The following SCAPER variants were observed in gnomAD, a reference collection of about 807,000 sequenced individuals.
SCAPER encodes S phase cyclin A-associated protein in the endoplasmic reticulum.
SCAPER carries 98 observed loss-of-function variants against 182.2 expected under a neutral mutation model. That is an observed-to-expected ratio of 0.54 (90% confidence interval 0.46 to 0.64). The LOEUF (loss-of-function observed/expected upper bound fraction) is 0.64. Among genes scored for constraint, SCAPER ranks in the 30% least tolerant of loss-of-function variants. The pLI is 0.00. For missense variants in SCAPER, 1,432 were observed against 1,690.0 expected, an observed-to-expected ratio of 0.85 and a Z score of 2.68; for synonymous variants, 605 against 564.6, an observed-to-expected ratio of 1.07 and a Z score of -1.01.
intron 20 of SCAPER, among the ~76,000 whole-genome samples, chr15:76,688,852 T>TTTA (rs1229045332): frequency 4.9e-5 from 7 of 142,728 alleles, no homozygotes; most frequent in Non-Finnish European, 9.2e-5. Flanking sequence ...TCTTTTTTTT[T>TTTA]TTTTTTTTTT....
intron 23 of SCAPER, among the ~76,000 whole-genome samples, chr15:76,517,368 T>TA (rs1455073354): frequency 6.6e-6 from 1 of 150,700 alleles, no homozygotes; most frequent in Non-Finnish European, 1.5e-5. Context: ...TTTTTTTTTT[T>TA]AGATGGAGTC....
rs562005629 is a variant in SCAPER at position 76,481,023 on chromosome 15, G to A, written c.2955-9688C>T. Among the ~76,000 whole-genome samples the A allele has an allele frequency of 1.3e-4, 20 of 152,232 alleles. 1 individual carries two copies. The South Asian group carries it at 3.1e-3, about 24-fold the overall frequency. On this transcript the variant is annotated intron_variant, in intron 24 of 31. Coordinates refer to ENST00000563290, the MANE Select transcript of SCAPER (RefSeq NM_020843.4). ...TGGGATTACAGGCATGAGCCACCGC[G>A]CCCGGCCCACTATTCTACTTTTTAA...
chr15:76,712,949 GC>G (rs1300944052), intron 17 of SCAPER, among the ~76,000 whole-genome samples: 3 of 152,148 alleles, frequency 2.0e-5, no homozygotes, highest in African/African-American at 7.2e-5. Context: ...CAGTCTGACT[GC>G]CCTGGCCAGA....
At position 76,729,888 on chromosome 15, in the gene SCAPER, T is replaced by C. The variant is rs576331478; in HGVS notation, c.2023-1151A>G. On this transcript the variant is annotated intron_variant, in intron 16 of 31. Coordinates refer to ENST00000563290, the MANE Select transcript of SCAPER (RefSeq NM_020843.4). ...ACATGTTCCTCATCTTATTGATATG[T>C]TTCTCTGAATCCATACCCATTCCCC... Among the ~76,000 whole-genome samples, 11 of 152,196 alleles carry C rather than the reference T, an allele frequency of 7.2e-5. No individual in the cohort carries two copies. The East Asian group carries it at 1.9e-3, about 27-fold the overall frequency.
At position 76,766,966 on chromosome 15, in the gene SCAPER, T is replaced by C; in HGVS notation, c.1371A>G (p.Glu457=). The C allele has an allele frequency of 3.1e-6, 5 of 1,609,322 alleles. No individual in the cohort carries two copies. Among genetic ancestry groups the C allele is most frequent in the Non-Finnish European group, 4.2e-6 (5 of 1,178,000 alleles). The part of the protein sequence containing the change: ...EEQLTREIEA[E]ENNDINIETD... ...TTTCAATGTTAATATCATTGTTTTCTTCAGCTTCAATTTCTCTAGTTAACT... is the reference window on the plus strand; with the variant it reads ...TTTCAATGTTAATATCATTGTTTTCCTCAGCTTCAATTTCTCTAGTTAACT... The change falls in exon 11 of 32, where the codon GAA becomes GAG. Residue 457 remains glutamate, a synonymous_variant. Transcript: ENST00000563290.
intron 23 of SCAPER, among the ~76,000 whole-genome samples, chr15:76,560,608 C>T (rs1164432722): frequency 6.6e-6 from 1 of 152,180 alleles, no homozygotes; most frequent in African/African-American, 2.4e-5. Context: ...TAAATACCTT[C>T]CCAATGATGA....
At chr15:76,654,572 G>T (rs2055460024) in intron 21 of SCAPER, among the ~76,000 whole-genome samples, 1 of 152,046 alleles carries the variant, frequency 6.6e-6, no homozygotes, top group South Asian at 2.1e-4. Flanking sequence ...ATTTCTCAAA[G>T]AACTTAAAAC....
chr15:76,458,129 T>C (rs1383653267), intron 25 of SCAPER, among the ~76,000 whole-genome samples: 2 of 152,132 alleles, frequency 1.3e-5, no homozygotes, highest in Non-Finnish European at 2.9e-5. Flanking sequence ...AGACATTATA[T>C]GAATTATTTA....
intron 5 of SCAPER, among the ~76,000 whole-genome samples, chr15:76,838,164 T>A (rs2069120277): frequency 6.6e-6 from 1 of 152,174 alleles, no homozygotes; most frequent in Non-Finnish European, 1.5e-5. Context: ...TGCCCATCAA[T>A]GGTAGACTGG....
chr15:76,727,917 C>T (rs2060689143), intron 17 of SCAPER, among the ~76,000 whole-genome samples: 1 of 151,780 alleles, frequency 6.6e-6, no homozygotes, highest in Non-Finnish European at 1.5e-5. Context: ...CATAAAAAAA[C>T]CCTGAACAGC....
intron 27 of SCAPER, among the ~76,000 whole-genome samples, chr15:76,387,310 T>A (rs982785058): frequency 2.0e-5 from 3 of 152,212 alleles, no homozygotes; most frequent in Non-Finnish European, 4.4e-5. Flanking sequence ...TACATCACAG[T>A]GGAGACAGTG....
At chr15:76,495,989 GAGAGACACACACACAC>G (rs1346729710) in intron 24 of SCAPER, among the ~76,000 whole-genome samples, 4,802 of 105,542 alleles carry the variant, frequency 0.045, 124 homozygotes, top group East Asian at 0.057. Context: ...AAGCAAAAGA[GAGAGACACACACACAC>G]ACACACACAC....
chr15:76,612,635 G>A (rs960536795), intron 22 of SCAPER, among the ~76,000 whole-genome samples: 1 of 152,102 alleles, frequency 6.6e-6, no homozygotes, highest in East Asian at 1.9e-4. Flanking sequence ...CAACAGTCAA[G>A]CTGAGTGCCA....
At chr15:76,545,043 T>C (rs1227832279) in intron 23 of SCAPER, among the ~76,000 whole-genome samples, 1 of 152,172 alleles carries the variant, frequency 6.6e-6, no homozygotes, top group African/African-American at 2.4e-5. Flanking sequence ...ACTTGGCTTC[T>C]TCCCATAACT....
intron 22 of SCAPER, among the ~76,000 whole-genome samples, chr15:76,607,257 A>C (rs1186366138): frequency 1.3e-5 from 2 of 152,132 alleles, no homozygotes; most frequent in Non-Finnish European, 2.9e-5. Context: ...AAAGTATTTT[A>C]TTTCTCCTTC....
chr15:76,835,643 G>C (rs1444225267), intron 5 of SCAPER, among the ~76,000 whole-genome samples: 1 of 152,066 alleles, frequency 6.6e-6, no homozygotes, highest in Non-Finnish European at 1.5e-5. Context: ...ACAAGACAAG[G>C]ATTCCCACCT....
intron 1 of SCAPER, among the ~76,000 whole-genome samples, chr15:76,889,536 A>G (rs1357838286): frequency 2.6e-5 from 4 of 152,210 alleles, no homozygotes; most frequent in Non-Finnish European, 5.9e-5. Flanking sequence ...TCTCTGATAA[A>G]ACAGACTTCA....
At chr15:76,790,065 A>G (rs2064890877) in intron 8 of SCAPER, among the ~76,000 whole-genome samples, 1 of 152,022 alleles carries the variant, frequency 6.6e-6, no homozygotes, top group Non-Finnish European at 1.5e-5. Context: ...CGTCTCTACT[A>G]AAAAATATAA....
At chr15:76,733,420 G>A in intron 15 of SCAPER, 36 bp from the exon 16 acceptor site, 1 of 1,598,546 alleles carries the variant, frequency 6.3e-7, no homozygotes, top group Non-Finnish European at 8.5e-7. Context: ...TTCAGATCAA[G>A]TTAATTCTAG....
Sources: allele counts gnomAD v4.1 joint callset (sites outside exome capture counted in the v4.1 genomes callset), GRCh38; gene constraint gnomAD v4.1.1; transcripts MANE v1.5; gene names NCBI Gene and HGNC (gene_info 2026-07-23, HGNC 2026-07-21).